GRIN2B: variants seen among roughly 807,000 people sequenced by gnomAD.
The protein encoded by GRIN2B is glutamate receptor ionotropic, NMDA 2B.
Under a neutral mutation model 114.5 loss-of-function variants are expected in GRIN2B, and 5 were observed. That is an observed-to-expected ratio of 0.04 (90% CI 0.02 to 0.09). GRIN2B has a LOEUF of 0.09. Ranked by LOEUF, GRIN2B falls within the 10% of genes least tolerant of loss-of-function variation. The pLI, the probability that GRIN2B is intolerant of heterozygous loss-of-function variation, is 1.00. For synonymous variants in GRIN2B, 787 were observed against 745.1 expected (o/e 1.06, Z -0.92); for missense variants, 1,108 against 1,943.5 (o/e 0.57, Z 8.08).
chr12:13,705,168 A>T (rs7954405), intron 4 of GRIN2B, among the ~76,000 whole-genome samples: 85,921 of 151,966 alleles, frequency 0.57, 24,633 homozygotes, highest in African/African-American at 0.65. Flanking sequence ...ATTTAACAAA[A>T]GTTGAATTTG....
At chr12:13,666,105 G>C (rs1245181240) in intron 5 of GRIN2B, among the ~76,000 whole-genome samples, 2 of 152,188 alleles carry the variant, frequency 1.3e-5, no homozygotes, top group Non-Finnish European at 2.9e-5. Flanking sequence ...CAGGAATGTG[G>C]TGTGCACCTG....
intron 3 of GRIN2B, among the ~76,000 whole-genome samples, chr12:13,784,300 C>T (rs918355514): frequency 6.8e-6 from 1 of 148,024 alleles, no homozygotes; most frequent in African/African-American, 2.5e-5. Flanking sequence ...TGTCTGTCTC[C>T]CTGCTAAATA....
chr12:13,694,407 C>A (rs945550908), intron 4 of GRIN2B, among the ~76,000 whole-genome samples: 1 of 151,882 alleles, frequency 6.6e-6, no homozygotes, highest in African/African-American at 2.4e-5. Context: ...GCACTGTGAA[C>A]ATGGGGATAA....
chr12:13,661,135 C>G (rs1482924075), intron 5 of GRIN2B, among the ~76,000 whole-genome samples: 2 of 152,128 alleles, frequency 1.3e-5, no homozygotes, highest in Non-Finnish European at 2.9e-5. Flanking sequence ...TGAGCTTTTT[C>G]TCTGTTGAAG....
intron 2 of GRIN2B, among the ~76,000 whole-genome samples, chr12:13,874,523 A>G (rs1865965713): frequency 2.0e-5 from 3 of 152,222 alleles, no homozygotes; most frequent in Admixed American, 1.3e-4. Flanking sequence ...AAATTGCTCA[A>G]AGTTCCTCTC....
intron 3 of GRIN2B, among the ~76,000 whole-genome samples, chr12:13,756,482 A>G (rs768582131): frequency 5.3e-5 from 8 of 152,206 alleles, no homozygotes; most frequent in Non-Finnish European, 1.0e-4. Flanking sequence ...AATAGCTGTC[A>G]CTTTAAAGAG....
chr12:13,573,980 T>C (rs1948740652), intron 10 of GRIN2B, among the ~76,000 whole-genome samples: 1 of 152,164 alleles, frequency 6.6e-6, no homozygotes, highest in Non-Finnish European at 1.5e-5. Flanking sequence ...GAAGTTTTCG[T>C]TTGATTATTT....
chr12:13,628,981 G>A (rs1254200687), intron 5 of GRIN2B, among the ~76,000 whole-genome samples: 1 of 152,002 alleles, frequency 6.6e-6, no homozygotes, highest in Non-Finnish European at 1.5e-5. Context: ...AAATGGAAGA[G>A]GTCAAAGTCA....
intron 10 of GRIN2B, among the ~76,000 whole-genome samples, chr12:13,580,188 CAG>C (rs1365183459): frequency 3.3e-5 from 5 of 152,218 alleles, no homozygotes; most frequent in African/African-American, 1.2e-4. Context: ...GGACAATAAT[CAG>C]AGTCAGATCC....
intron 3 of GRIN2B, among the ~76,000 whole-genome samples, chr12:13,766,252 A>G (rs990870098): frequency 6.6e-6 from 1 of 152,340 alleles, no homozygotes; most frequent in African/African-American, 2.4e-5. Flanking sequence ...AAATATATGA[A>G]ATTATTGACG....
intron 4 of GRIN2B, among the ~76,000 whole-genome samples, chr12:13,703,755 C>G (rs1185385403): frequency 2.0e-5 from 3 of 152,256 alleles, no homozygotes; most frequent in African/African-American, 7.2e-5. Context: ...TAAACCTTTT[C>G]CTTATTTTAA....
At chr12:13,622,620 A>G (rs1258312793) in intron 5 of GRIN2B, among the ~76,000 whole-genome samples, 1 of 151,514 alleles carries the variant, frequency 6.6e-6, no homozygotes. Flanking sequence ...TTTTTTTTTA[A>G]ATGTATCCCT....
In GRIN2B at chr12:13,759,030, A is replaced by C. The variant is rs1402955868; in HGVS notation, c.412-5115T>G. Among the ~76,000 whole-genome samples, 4 of 100,164 alleles carry C rather than the reference A, an allele frequency of 4.0e-5. No individual in the cohort carries two copies. In the Admixed American group the frequency reaches 5.8e-4, roughly 15 times the overall value. 65.7% of individuals were successfully genotyped at this position (100,164 alleles called of 152,430 possible). A position where few individuals can be genotyped will look rare whatever the true frequency, so the allele number is the denominator to read the frequency against. On this transcript the variant is annotated intron_variant, in intron 3 of 13. Coordinates refer to ENST00000609686, the MANE Select transcript of GRIN2B (RefSeq NM_000834.5). ...TTTTTTTTTTTTTTTTTTTTTTGAG[A>C]CGAAGTCTCACTCTGTTGCCAGGCT...
chr12:13,961,007 G>A (rs1267358724), intron 2 of GRIN2B, among the ~76,000 whole-genome samples: 1 of 152,122 alleles, frequency 6.6e-6, no homozygotes, highest in Non-Finnish European at 1.5e-5. Context: ...TTTGAGAGTG[G>A]GGTGGGTGCT....
chr12:13,587,033 T>G (rs1254239898), intron 10 of GRIN2B, among the ~76,000 whole-genome samples: 1 of 152,252 alleles, frequency 6.6e-6, no homozygotes. Flanking sequence ...AGACAAATTC[T>G]TGCCTTCATT....
At chr12:13,663,338 G>A (rs1949942880) in intron 5 of GRIN2B, among the ~76,000 whole-genome samples, 1 of 152,102 alleles carries the variant, frequency 6.6e-6, no homozygotes. Context: ...AAGACATAAA[G>A]GGAAAATTGG....
intron 10 of GRIN2B, among the ~76,000 whole-genome samples, chr12:13,604,096 AAT>A (rs1466557097): frequency 6.6e-6 from 1 of 152,112 alleles, no homozygotes; most frequent in Non-Finnish European, 1.5e-5. Context: ...ATGGGTGAGA[AAT>A]ATGAGAATGC....
At chr12:13,733,258 C>G (rs778813045) in intron 4 of GRIN2B, among the ~76,000 whole-genome samples, 2 of 151,392 alleles carry the variant, frequency 1.3e-5, no homozygotes, top group Non-Finnish European at 2.9e-5. Flanking sequence ...ATTAGCAGAA[C>G]CTATTAGGTA....
At chr12:13,745,735 G>A (rs969895634) in intron 4 of GRIN2B, among the ~76,000 whole-genome samples, 1 of 152,208 alleles carries the variant, frequency 6.6e-6, no homozygotes, top group Non-Finnish European at 1.5e-5. Flanking sequence ...GGAAAGCTGA[G>A]CTTTCTTTAA....
Sources: gnomAD v4.1 joint callset for allele counts (sites outside exome capture counted in the v4.1 genomes callset) on GRCh38, gnomAD v4.1.1 for gene constraint, MANE v1.5 for transcripts, NCBI Gene and HGNC (gene_info 2026-07-23, HGNC 2026-07-21) for gene names.